ELAVL4: variants seen among roughly 807,000 people sequenced by gnomAD.
The protein encoded by ELAVL4 is ELAV-like protein 4.
ELAVL4 carries 1 observed loss-of-function variant against 35.6 expected under a neutral mutation model. The observed-to-expected ratio is 0.03, with a 90% confidence interval of 0.01 to 0.13. The LOEUF (loss-of-function observed/expected upper bound fraction) is 0.13. Ranked by LOEUF, ELAVL4 falls within the 10% of genes least tolerant of loss-of-function variation. ELAVL4 has a pLI of 1.00. For synonymous variants in ELAVL4, 156 were observed against 171.0 expected, an observed-to-expected ratio of 0.91 and a Z score of 0.69; for missense variants, 267 against 464.9, an observed-to-expected ratio of 0.57 and a Z score of 3.91.
At chr1:50,093,124 G>A (rs890925786) in intron 1 of ELAVL4, among the ~76,000 whole-genome samples, 1 of 152,166 alleles carries the variant, frequency 6.6e-6, no homozygotes, top group Non-Finnish European at 1.5e-5. Flanking sequence ...GATCATCAAG[G>A]ATAAGTGGGG....
intron 1 of ELAVL4, among the ~76,000 whole-genome samples, chr1:50,072,721 G>C (rs1244697158): frequency 6.6e-6 from 1 of 152,106 alleles, no homozygotes; most frequent in Non-Finnish European, 1.5e-5. Context: ...TTGAATTCTT[G>C]CCAAATGCCA....
intron 1 of ELAVL4, among the ~76,000 whole-genome samples, chr1:50,143,156 A>G (rs904242983): frequency 6.6e-6 from 1 of 152,172 alleles, no homozygotes; most frequent in Non-Finnish European, 1.5e-5. Context: ...CATGTTCTGT[A>G]TTGTGATCTG....
At chr1:50,079,642 G>C (rs1371221624) in intron 1 of ELAVL4, among the ~76,000 whole-genome samples, 2 of 152,158 alleles carry the variant, frequency 1.3e-5, no homozygotes, top group Non-Finnish European at 2.9e-5. Flanking sequence ...TTCAGAGGAG[G>C]ACTTGGAAGG....
At chr1:50,133,599 A>AAAAAGAAAGAAAAAG (rs1553174454) in intron 1 of ELAVL4, among the ~76,000 whole-genome samples, 3 of 129,178 alleles carry the variant, frequency 2.3e-5, no homozygotes, top group African/African-American at 8.8e-5. Flanking sequence ...AGAAAGAAAG[A>AAAAAGAAAGAAAAAG]AAAGAAAGAA....
In ELAVL4 at chr1:50,061,340, G is replaced by A. The variant is rs574590951; in HGVS notation, c.18+13158G>A. Among the ~76,000 whole-genome samples, 15 of 152,244 alleles carry A rather than the reference G, an allele frequency of 9.9e-5. No homozygotes were observed. The South Asian group carries it at 3.1e-3, about 32-fold the overall frequency. On this transcript the variant is annotated intron_variant, in intron 1 of 6. Coordinates refer to the ELAVL4 transcript ENST00000448907. ...TCCAGTTAGGCTATAGAGACCATGG[G>A]CCTCCTTTCCTCTTTTTTAGGTCCA...
At chr1:50,126,028 G>A (rs904858295) in intron 1 of ELAVL4, among the ~76,000 whole-genome samples, 20 of 152,014 alleles carry the variant, frequency 1.3e-4, no homozygotes, top group African/African-American at 3.4e-4. Context: ...ATCGGGGCCC[G>A]GCACCTAGTA....
At chr1:50,153,023 T>C (rs182391692) in intron 2 of ELAVL4, among the ~76,000 whole-genome samples, 12 of 152,300 alleles carry the variant, frequency 7.9e-5, no homozygotes, top group Admixed American at 3.3e-4. Context: ...TTTGTGCCCA[T>C]GTGTTGCTGC....
chr1:50,064,746 A>T (rs957184782), intron 1 of ELAVL4, among the ~76,000 whole-genome samples: 8 of 152,124 alleles, frequency 5.3e-5, no homozygotes, highest in African/African-American at 1.9e-4. Flanking sequence ...TAGATCTAAC[A>T]TACTTTTCTC....
At chr1:50,059,077 G>A (rs1663828668) in intron 1 of ELAVL4, among the ~76,000 whole-genome samples, 1 of 152,008 alleles carries the variant, frequency 6.6e-6, no homozygotes, top group Admixed American at 6.6e-5. Flanking sequence ...GGGTCCAGGT[G>A]GTCAAACTGA....
upstream of ELAVL4, chr1:50,106,095 T>C (rs1572186569): frequency 4.6e-6 from 2 of 436,122 alleles, no homozygotes; most frequent in East Asian, 6.4e-5. Flanking sequence ...TTCCTTCCTT[T>C]TGGTGCTTTT....
At chr1:50,088,903 T>C (rs549242538) in intron 1 of ELAVL4, among the ~76,000 whole-genome samples, 33 of 126,756 alleles carry the variant, frequency 2.6e-4, no homozygotes, top group African/African-American at 9.2e-4. Flanking sequence ...GTGTTTCAGA[T>C]CCATTCAAAT....
chr1:50,050,734 T>A (rs139814602), intron 1 of ELAVL4, among the ~76,000 whole-genome samples: 69 of 152,318 alleles, frequency 4.5e-4, no homozygotes, highest in African/African-American at 1.6e-3. Flanking sequence ...AAATGTTTTA[T>A]TTGAGCAGTA....
intron 2 of ELAVL4, among the ~76,000 whole-genome samples, chr1:50,153,472 A>G (rs779821101): frequency 7.9e-5 from 12 of 152,220 alleles, no homozygotes; most frequent in Non-Finnish European, 1.5e-4. Flanking sequence ...TGCAAAGTCT[A>G]TGGTCTTTCT....
chr1:50,078,928 C>T (rs1295944506), intron 1 of ELAVL4, among the ~76,000 whole-genome samples: 1 of 152,114 alleles, frequency 6.6e-6, no homozygotes, highest in Non-Finnish European at 1.5e-5. Context: ...GACCCATATT[C>T]ATTTTTCCAT....
At position 50,145,068 on chromosome 1, in the gene ELAVL4, A is replaced by G. The variant is rs1321742053; in HGVS notation, c.121A>G (p.Thr41Ala). ...CPSPMQTGAT[T>A]DDSKTNLIVN... ...TTCTCCCATGCAAACAGGGGCAACC[A>G]CAGATGACAGCAAAACCAACCTCAT... The change falls in exon 2 of 7, where the codon ACA becomes GCA. Residue 41 changes from threonine to alanine, a missense_variant. By Grantham distance (58) the Thr-to-Ala change is moderately conservative. This residue lies in a region of ELAVL4 where 51 missense variants were observed against 55.4 expected (regional missense o/e 0.92). Coordinates refer to ENST00000371824, the MANE Select transcript of ELAVL4 (RefSeq NM_001144774.3). The G allele has an allele frequency of 6.2e-7, 1 of 1,614,046 alleles. No individual in the cohort carries two copies. The highest frequency in any genetic ancestry group is 8.5e-7 in the Non-Finnish European group (1 of 1,179,950).
chr1:50,162,305 G>A (rs541590821), intron 2 of ELAVL4, among the ~76,000 whole-genome samples: 1 of 152,174 alleles, frequency 6.6e-6, no homozygotes, highest in African/African-American at 2.4e-5. Context: ...AATCTACTAT[G>A]TACCAGACAT....
chr1:50,137,360 G>C (rs1672053418), intron 1 of ELAVL4, among the ~76,000 whole-genome samples: 1 of 152,004 alleles, frequency 6.6e-6, no homozygotes, highest in Non-Finnish European at 1.5e-5. Flanking sequence ...GAAAATTAAA[G>C]CTTTGTGAAG....
rs1681574945 is a variant in ELAVL4, at chr1:50,184,760, CG to C, written c.354+7570del. 3.3e-5 allele frequency among the ~76,000 whole-genome samples: 5 copies of C among 152,220 alleles called. No homozygotes were observed. The South Asian group carries it at 1.0e-3, about 32-fold the overall frequency. On this transcript the variant is annotated intron_variant, in intron 3 of 6. Transcript: ENST00000371824. ...TGGGTGGTAATGAGGCTCCGATCAT[CG>C]GAAGCATTCAGATGAACTCATAAGG...
intron 1 of ELAVL4, among the ~76,000 whole-genome samples, chr1:50,123,744 T>C (rs2148604333): frequency 6.6e-6 from 1 of 152,158 alleles, no homozygotes; most frequent in Non-Finnish European, 1.5e-5. Context: ...ACCACGGTGT[T>C]CCCTACTGTT....
Sources: gnomAD v4.1 joint callset for allele counts (sites outside exome capture counted in the v4.1 genomes callset) on GRCh38, gnomAD v4.1.1 for gene constraint, gnomAD v4.1.1 regional missense constraint, MANE v1.5 for transcripts, NCBI Gene and HGNC (gene_info 2026-07-23, HGNC 2026-07-21) for gene names.